The following AKT3 variants were observed in gnomAD, a reference collection of about 807,000 sequenced individuals.
The protein encoded by AKT3 is AKT serine/threonine kinase 3, also known as RAC-gamma serine/threonine-protein kinase.
In AKT3, 15 loss-of-function variants were observed where a neutral mutation model predicts 65.3. The ratio of observed to expected loss-of-function variants is 0.23; its 90% CI spans 0.15 to 0.35. The LOEUF (loss-of-function observed/expected upper bound fraction) is 0.35, where lower values mean the gene tolerates loss of function less well. Ranked by LOEUF, AKT3 falls within the 10% of genes least tolerant of loss-of-function variation. The pLI is 1.00. For synonymous variants in AKT3, 206 were observed against 183.8 expected, an observed-to-expected ratio of 1.12 and a Z score of -0.98; for missense variants, 243 against 576.5, an observed-to-expected ratio of 0.42 and a Z score of 5.92.
downstream of AKT3, among the ~76,000 whole-genome samples, chr1:243,495,737 T>C (rs1037288757): frequency 1.3e-5 from 2 of 152,212 alleles, no homozygotes; most frequent in Non-Finnish European, 2.9e-5. Flanking sequence ...TCCCCGACGT[T>C]CTGCCCAGCA....
chr1:243,723,941 G>A (rs1170817833), intron 2 of AKT3, among the ~76,000 whole-genome samples: 2 of 152,036 alleles, frequency 1.3e-5, no homozygotes, highest in South Asian at 2.1e-4. Flanking sequence ...GTTTTCATTG[G>A]CTTCGTTTTA....
At chr1:243,648,048 A>G (rs1380142259) in intron 4 of AKT3, among the ~76,000 whole-genome samples, 1 of 152,160 alleles carries the variant, frequency 6.6e-6, no homozygotes, top group African/African-American at 2.4e-5. Flanking sequence ...ACCTGAGGTC[A>G]GGAGTTCAAG....
intron 2 of AKT3, among the ~76,000 whole-genome samples, chr1:243,699,465 C>CCATATATATATA (rs1389882625): frequency 9.7e-5 from 10 of 103,616 alleles, no homozygotes; most frequent in African/African-American, 4.9e-4. Flanking sequence ...ACCTCTTCCA[C>CCATATATATATA]TATATATATA....
intron 3 of AKT3, among the ~76,000 whole-genome samples, chr1:243,668,463 T>C (rs1558700936): frequency 6.6e-6 from 1 of 152,046 alleles, no homozygotes; most frequent in Non-Finnish European, 1.5e-5. Flanking sequence ...AATTAGGATA[T>C]AAAGTCATCG....
chr1:243,655,001 A>G (rs1347627980), intron 4 of AKT3, among the ~76,000 whole-genome samples: 2 of 152,110 alleles, frequency 1.3e-5, no homozygotes, highest in Non-Finnish European at 2.9e-5. Context: ...TTCAATCATT[A>G]TATTTTCAAA....
At chr1:243,660,132 C>T (rs1377481060) in intron 4 of AKT3, among the ~76,000 whole-genome samples, 2 of 151,884 alleles carry the variant, frequency 1.3e-5, no homozygotes, top group Non-Finnish European at 2.9e-5. Context: ...CGTTGGTAAG[C>T]TATTGATTAT....
In AKT3 at chr1:243,518,181, T is replaced by C. The variant is rs113723766; in HGVS notation, c.1252-5755A>G. 9.0e-4 allele frequency among the ~76,000 whole-genome samples: 137 copies of C among 152,390 alleles called. 1 individual carries two copies. Among genetic ancestry groups the C allele is most frequent in the African/African-American group, 3.0e-3 (126 of 41,590 alleles). On this transcript the variant is annotated intron_variant, in intron 12 of 13. Transcript: ENST00000673466. ...ACTTTTGCTTTTGATTGTTTCTCTATACATTAGTCAAGATATTCATTCTAG... is the reference window on the plus strand; with the variant it reads ...ACTTTTGCTTTTGATTGTTTCTCTACACATTAGTCAAGATATTCATTCTAG...
At chr1:243,603,528 C>CTGG (rs1188721536) in intron 8 of AKT3, among the ~76,000 whole-genome samples, 1 of 152,188 alleles carries the variant, frequency 6.6e-6, no homozygotes, top group Non-Finnish European at 1.5e-5. Context: ...ATGCCTTACT[C>CTGG]TGGCATTTCC....
chr1:243,785,151 G>A (rs1382311357), intron 2 of AKT3, among the ~76,000 whole-genome samples: 5 of 149,036 alleles, frequency 3.4e-5, no homozygotes, highest in African/African-American at 7.5e-5. Context: ...TGCAAGCTCC[G>A]CCTCCTGGGT....
chr1:243,527,936 CAGAGAGAGAG>C lies in AKT3; in HGVS notation c.1252-15520_1252-15511del, dbSNP rs141407272. Among the ~76,000 whole-genome samples the C allele has an allele frequency of 2.8e-3, 108 of 38,264 alleles. 2 individuals carry two copies. Among genetic ancestry groups the C allele is most frequent in the African/African-American group, 7.9e-3 (102 of 12,964 alleles). 25.1% of individuals were successfully genotyped at this position (38,264 alleles called of 152,430 possible). ...ACACACACACACACACACACACACA[CAGAGAGAGAG>C]AGAGAGAGAGAGAATTTGAGGCCTT... On this transcript the variant is annotated intron_variant, in intron 12 of 13. Coordinates refer to ENST00000673466, the MANE Select transcript of AKT3 (RefSeq NM_005465.7).
intron 2 of AKT3, among the ~76,000 whole-genome samples, chr1:243,830,439 T>C (rs977568098): frequency 2.0e-5 from 3 of 152,098 alleles, no homozygotes; most frequent in African/African-American, 7.2e-5. Flanking sequence ...ATAAACATAA[T>C]AAAGAATTGA....
intron 10 of AKT3, among the ~76,000 whole-genome samples, chr1:243,561,080 T>C (rs58583422): frequency 6.6e-6 from 1 of 152,074 alleles, no homozygotes; most frequent in Non-Finnish European, 1.5e-5. Context: ...AATTCTAAAC[T>C]ACAAATTTTT....
downstream of AKT3, among the ~76,000 whole-genome samples, chr1:243,498,747 G>GTTGA (rs1239996385): frequency 1.3e-5 from 2 of 152,240 alleles, no homozygotes; most frequent in African/African-American, 2.4e-5. Context: ...CTTAAATTAG[G>GTTGA]TTGATAGAGT....
chr1:243,588,424 G>A (rs1054996795), intron 8 of AKT3, among the ~76,000 whole-genome samples: 6 of 152,088 alleles, frequency 3.9e-5, no homozygotes, highest in South Asian at 2.1e-4. Flanking sequence ...GAACTTACAC[G>A]AACAAAGCTA....
At chr1:243,703,557 C>G (rs1237788957) in intron 2 of AKT3, among the ~76,000 whole-genome samples, 3 of 151,860 alleles carry the variant, frequency 2.0e-5, no homozygotes, top group African/African-American at 7.3e-5. Flanking sequence ...GGCCAGGAGT[C>G]AGAGACCAGC....
intron 2 of AKT3, among the ~76,000 whole-genome samples, chr1:243,702,132 G>A (rs201541391): frequency 6.9e-6 from 1 of 145,568 alleles, no homozygotes. Flanking sequence ...AAAAAAGCTG[G>A]CCATACTGTC....
intron 13 of AKT3, among the ~76,000 whole-genome samples, chr1:243,494,474 G>A (rs944682358): frequency 6.6e-6 from 1 of 152,134 alleles, no homozygotes; most frequent in African/African-American, 2.4e-5. Flanking sequence ...AAGACCCTGG[G>A]TGCTGCATGT....
chr1:243,653,284 A>G (rs749352220), intron 4 of AKT3, among the ~76,000 whole-genome samples: 1 of 152,212 alleles, frequency 6.6e-6, no homozygotes, highest in South Asian at 2.1e-4. Flanking sequence ...CAACCTCCCA[A>G]GACTAAACCA....
intron 3 of AKT3, among the ~76,000 whole-genome samples, chr1:243,681,607 T>C (rs1179817908): frequency 6.6e-6 from 1 of 152,174 alleles, no homozygotes; most frequent in African/African-American, 2.4e-5. Context: ...GAGAGTCCAC[T>C]ATTAACCCAC....
Sources: gnomAD v4.1 joint callset for allele counts (sites outside exome capture counted in the v4.1 genomes callset) on GRCh38, gnomAD v4.1.1 for gene constraint, MANE v1.5 for transcripts, NCBI Gene and HGNC (gene_info 2026-07-23, HGNC 2026-07-21) for gene names.